The following SVIL variants were observed in gnomAD, a reference collection of about 807,000 sequenced individuals.
SVIL encodes supervillin.
SVIL carries 101 observed loss-of-function variants against 240.4 expected under a neutral mutation model. That is an observed-to-expected ratio of 0.42 (90% confidence interval 0.36 to 0.50). SVIL has a LOEUF of 0.50. Ranked by LOEUF, SVIL falls within the 20% of genes least tolerant of loss-of-function variation. The pLI, the probability that SVIL is intolerant of heterozygous loss-of-function variation, is 0.01. For missense variants in SVIL, 2,512 were observed against 2,818.7 expected, an observed-to-expected ratio of 0.89 and a Z score of 2.46; for synonymous variants, 999 against 1,100.0, an observed-to-expected ratio of 0.91 and a Z score of 1.82.
intron 17 of SVIL, among the ~76,000 whole-genome samples, chr10:29,502,882 A>ATC: frequency 6.6e-6 from 1 of 152,116 alleles, no homozygotes; most frequent in Non-Finnish European, 1.5e-5. Context: ...ATCATAGCAA[A>ATC]TCTCACTCAA....
chr10:29,725,978 G>C (rs189322584), intron 1 of SVIL, among the ~76,000 whole-genome samples: 49 of 152,294 alleles, frequency 3.2e-4, no homozygotes, highest in Middle Eastern at 3.4e-3. Flanking sequence ...CTGGAGTGCA[G>C]TGGTGCAATC....
At chr10:29,464,296 A>C (rs1944628467) in intron 34 of SVIL, among the ~76,000 whole-genome samples, 1 of 151,946 alleles carries the variant, frequency 6.6e-6, no homozygotes, top group African/African-American at 2.4e-5. Context: ...AAAATTAGCG[A>C]GGCATGGTGC....
Position 29,494,950 on chromosome 10 carries a change from T to G in SVIL, c.3805A>C (p.Arg1269=). 1.2e-6 allele frequency: 2 copies of G among 1,614,136 alleles called. No individual in the cohort carries two copies. The highest frequency in any genetic ancestry group is 1.7e-6 in the Non-Finnish European group (2 of 1,180,026). ...AGCCTTCTTAGAAAGGTTTCCAGCC[T>G]GTCCAACTTCAGGTCCGATTCTAAC... is the stretch of plus-strand genomic sequence containing the variant. ...MQLESDLKLD[R]LETFLRRLNN... is the part of the protein sequence containing the mutation. The change falls in exon 20 of 38, where the codon AGG becomes CGG. Residue 1269 remains arginine (R), a synonymous_variant. Coordinates refer to ENST00000355867, the MANE Select transcript of SVIL (RefSeq NM_021738.3).
chr10:29,525,328 T>C lies in SVIL; in HGVS notation c.2343-613A>G, dbSNP rs1950824975. The stretch of plus-strand genomic sequence containing the variant: ...GAGGAGTAAAGAAAATTTCAGGTGA[T>C]TATAAATCCCTCCAACTGGCCAGGT... On this transcript the variant is annotated intron_variant, in intron 13 of 37. Coordinates refer to ENST00000355867, the MANE Select transcript of SVIL (RefSeq NM_021738.3). Among the ~76,000 whole-genome samples the C allele has an allele frequency of 2.0e-5, 3 of 152,344 alleles. No individual in the cohort carries two copies. The South Asian group carries it at 6.2e-4, about 32-fold the overall frequency.
chr10:29,469,600 C>G (rs890351046), intron 32 of SVIL, among the ~76,000 whole-genome samples: 1 of 152,182 alleles, frequency 6.6e-6, no homozygotes, highest in Non-Finnish European at 1.5e-5. Context: ...ACCGGGGGGG[C>G]CGGCCACCAC....
At chr10:29,687,212 G>A (rs924714945) in intron 1 of SVIL, among the ~76,000 whole-genome samples, 1 of 152,188 alleles carries the variant, frequency 6.6e-6, no homozygotes, top group East Asian at 1.9e-4. Flanking sequence ...ATTCCGCACT[G>A]ATAATGTCAA....
chr10:29,675,639 G>A lies in SVIL; in HGVS notation c.-301+10914C>T, dbSNP rs187856953. 1.2e-3 allele frequency among the ~76,000 whole-genome samples: 177 copies of A among 152,134 alleles called. 1 individual carries two copies. Among genetic ancestry groups the A allele is most frequent in the South Asian group, 4.8e-3 (23 of 4,822 alleles). On this transcript the variant is annotated intron_variant, in intron 2 of 35. Transcript: ENST00000375400. ...GTTTCCATTTCCTGTCCATCAAACC[G>A]TGTTACATCTTCACCCTCATCTGTT...
At chr10:29,696,066 C>CGAG (rs1284642314) in intron 1 of SVIL, among the ~76,000 whole-genome samples, 2 of 151,958 alleles carry the variant, frequency 1.3e-5, no homozygotes, top group African/African-American at 2.4e-5. Flanking sequence ...ATTCTCCTGC[C>CGAG]TCAGCCTGCC....
intron 15 of SVIL, among the ~76,000 whole-genome samples, chr10:29,522,942 C>A (rs886672131): frequency 1.3e-5 from 2 of 152,208 alleles, no homozygotes; most frequent in Non-Finnish European, 2.9e-5. Flanking sequence ...CCTTAACATT[C>A]AAATGTGCTA....
At position 29,523,871 on chromosome 10, in the gene SVIL, T is replaced by C. The variant is rs150769381; in HGVS notation, c.2743A>G (p.Ile915Val). 6 of 1,614,080 alleles carry C rather than the reference T, an allele frequency of 3.7e-6. No homozygotes were observed. Among genetic ancestry groups the C allele is most frequent in the Non-Finnish European group, 5.1e-6 (6 of 1,180,046 alleles). Residue 915 changes from isoleucine to valine, a missense_variant, in exon 15 of 38, where the codon ATA (isoleucine) becomes GTA (valine). By Grantham distance (29) the Ile-to-Val change is conservative. Around this residue, in one of 3 missense-constraint regions of SVIL, gnomAD observed 1,443 missense variants for 1,486.6 expected, o/e 0.97. Transcript: ENST00000355867. ...CTAACTGGAGAGTCCGAATTTTCTA[T>C]TGAAGAAGAAAACTTATAGTCAGTG... is the stretch of plus-strand genomic sequence containing the variant. ...SATDYKFSSS[I>V]ENSDSPVRSI...
intron 1 of SVIL, among the ~76,000 whole-genome samples, chr10:29,696,677 G>C (rs1301751452): frequency 6.8e-6 from 1 of 148,024 alleles, no homozygotes; most frequent in Non-Finnish European, 1.5e-5. Flanking sequence ...GTCTCTGCCC[G>C]GCCGCCCCGT....
intron 1 of SVIL, among the ~76,000 whole-genome samples, chr10:29,702,578 T>C (rs750039669): frequency 7.9e-5 from 12 of 152,150 alleles, no homozygotes; most frequent in Non-Finnish European, 1.5e-4. Context: ...GTAGAAATTA[T>C]CAATAAAATT....
chr10:29,601,770 C>T (rs1956820902), intron 1 of SVIL, among the ~76,000 whole-genome samples: 1 of 152,216 alleles, frequency 6.6e-6, no homozygotes, highest in Non-Finnish European at 1.5e-5. Flanking sequence ...GGATTGATGA[C>T]ATTCACATTT....
chr10:29,679,065 C>T (rs1439464078), intron 2 of SVIL, among the ~76,000 whole-genome samples: 6 of 152,122 alleles, frequency 3.9e-5, no homozygotes, highest in South Asian at 2.1e-4. Flanking sequence ...ATTAGCCTGG[C>T]ATGGTGGCGC....
intron 1 of SVIL, among the ~76,000 whole-genome samples, chr10:29,728,743 G>C (rs1159001099): frequency 6.6e-6 from 1 of 152,188 alleles, no homozygotes. Context: ...ACGGGCAGCT[G>C]AATTGGCCAG....
At chr10:29,629,527 G>A (rs533697433) in intron 1 of SVIL, among the ~76,000 whole-genome samples, 5 of 152,234 alleles carry the variant, frequency 3.3e-5, no homozygotes, top group African/African-American at 1.2e-4. Flanking sequence ...TAAAGCAGCG[G>A]TTATGAATAC....
intron 2 of SVIL, among the ~76,000 whole-genome samples, chr10:29,676,108 A>G (rs1464058219): frequency 2.0e-5 from 3 of 152,126 alleles, no homozygotes; most frequent in Admixed American, 2.0e-4. Flanking sequence ...TTTCCCATGC[A>G]TGGTTACATT....
intron 1 of SVIL, among the ~76,000 whole-genome samples, chr10:29,614,054 C>T (rs1957346846): frequency 6.6e-6 from 1 of 152,116 alleles, no homozygotes; most frequent in Non-Finnish European, 1.5e-5. Flanking sequence ...TCTGGAATGG[C>T]CACTGAGGCA....
intron 10 of SVIL, 134 bp downstream of exon 10, chr10:29,531,120 G>T: frequency 1.2e-6 from 1 of 826,856 alleles, no homozygotes; most frequent in Non-Finnish European, 1.9e-6. Context: ...CATATCCACA[G>T]AACGAAAACC....
Sources: allele counts gnomAD v4.1 joint callset (sites outside exome capture counted in the v4.1 genomes callset), GRCh38; gene constraint gnomAD v4.1.1; regional missense constraint gnomAD v4.1.1; transcripts MANE v1.5; gene names NCBI Gene and HGNC (gene_info 2026-07-23, HGNC 2026-07-21).